CNOT7: variants seen among roughly 807,000 people sequenced by gnomAD.
The protein encoded by CNOT7 is BTG1-binding factor 1.
A neutral mutation model predicts 37.1 loss-of-function variants in CNOT7; 4 were observed. That is an observed-to-expected ratio of 0.11 (90% CI 0.05 to 0.25). The LOEUF is 0.25. Ranked by LOEUF, CNOT7 falls within the 10% of genes least tolerant of loss-of-function variation. The probability of loss-of-function intolerance (pLI) is 1.00; values close to 1 mark genes in which losing one functional copy is unlikely to be tolerated. For missense variants in CNOT7, 170 were observed against 336.2 expected (o/e 0.51, Z 3.87); for synonymous variants, 128 against 115.6 (o/e 1.11, Z -0.69).
chr8:17,237,493 C>A, intron 3 of CNOT7, 120 bp from the exon 4 acceptor site: 1 of 806,256 alleles, frequency 1.2e-6, no homozygotes. Flanking sequence ...TTGAGTCCAC[C>A]TGTTTCAATG....
rs1808238624 is a variant in CNOT7 at position 17,227,487 on chromosome 8, C to T, written c.*3233G>A. 1 of 151,828 alleles carries T rather than the reference C, an allele frequency of 6.6e-6. No homozygotes were observed. The highest frequency in any genetic ancestry group is 2.1e-4 in the South Asian group (1 of 4,822). 9.4% of individuals were successfully genotyped at this position (151,828 alleles called of 1,614,324 possible). ...CTGATGTCTTAATTTTCTCTGGACA[C>T]ATGTCTTTGGGTTGGTTACTATCTT... On this transcript the variant is annotated 3_prime_UTR_variant, in exon 7 of 7. Transcript: ENST00000361272.
intron 3 of CNOT7, 64 bp downstream of exon 3, chr8:17,242,928 A>G: frequency 8.6e-7 from 1 of 1,159,516 alleles, no homozygotes; most frequent in South Asian, 1.6e-5. Context: ...CTTGAGGAAA[A>G]TCAATTCCTA....
rs1585842625 is a variant in CNOT7 at position 17,242,914 on chromosome 8, C to T, written c.311+78G>A. On this transcript the variant is annotated intron_variant, in intron 3 of 6. Transcript: ENST00000361272. Reference sequence around the variant, plus strand: ...ACACCAAATTCACCTAGCATGTCACCATACTTGAGGAAAATCAATTCCTAA... The same window carrying T: ...ACACCAAATTCACCTAGCATGTCACTATACTTGAGGAAAATCAATTCCTAA... 4.3e-6 allele frequency: 4 copies of T among 937,388 alleles called. No individual in the cohort carries two copies. In the South Asian group the frequency reaches 7.3e-5, roughly 17 times the overall value. The allele number at this position is 937,388 out of a possible 1,614,324, so 58.1% of individuals were successfully genotyped here.
intron 1 of CNOT7, among the ~76,000 whole-genome samples, chr8:17,245,520 TTATC>T (rs1368965129): frequency 1.6e-4 from 24 of 152,306 alleles, no homozygotes; most frequent in Non-Finnish European, 3.2e-4. Context: ...CACTAATTAT[TTATC>T]TGAGTTCAAC....
chr8:17,240,669 A>C (rs1355136381), intron 3 of CNOT7, among the ~76,000 whole-genome samples: 3 of 152,192 alleles, frequency 2.0e-5, no homozygotes, highest in South Asian at 4.1e-4. Context: ...AATAGTATCT[A>C]ATTTAAAAAC....
chr8:17,231,052 G>C (rs1808533626), intron 6 of CNOT7, among the ~76,000 whole-genome samples: 1 of 151,978 alleles, frequency 6.6e-6, no homozygotes, highest in African/African-American at 2.4e-5. Flanking sequence ...ACCAAAGAAA[G>C]AGACTACAAA....
chr8:17,241,902 C>G (rs1226415986), intron 3 of CNOT7: 1 of 152,116 alleles, frequency 6.6e-6, no homozygotes, highest in African/African-American at 2.4e-5. Flanking sequence ...AATTTAAGAA[C>G]AATTAATAAA....
chr8:17,237,447 A>AT (rs1267917482), intron 3 of CNOT7, 74 bp from the exon 4 acceptor site: 3 of 1,385,860 alleles, frequency 2.2e-6, no homozygotes, highest in South Asian at 1.2e-5. Flanking sequence ...GCTTACATCT[A>AT]TAACTACAGT....
intron 4 of CNOT7, among the ~76,000 whole-genome samples, chr8:17,235,566 CTCT>C (rs1179504841): frequency 1.3e-5 from 2 of 152,094 alleles, no homozygotes; most frequent in Non-Finnish European, 2.9e-5. Flanking sequence ...AAATCCAGAA[CTCT>C]TCTCCCTTTG....
At chr8:17,234,156 C>T (rs1441263399) in intron 5 of CNOT7, among the ~76,000 whole-genome samples, 2 of 152,354 alleles carry the variant, frequency 1.3e-5, no homozygotes, top group East Asian at 1.9e-4. Flanking sequence ...TCCCATAGTA[C>T]TTAACTGTAA....
rs1317450455 is a variant in CNOT7 at position 17,235,093 on chromosome 8, G to A, written c.474-233C>T. Among the ~76,000 whole-genome samples the A allele has an allele frequency of 2.6e-5, 4 of 152,094 alleles. No homozygotes were observed. The East Asian group carries it at 7.7e-4, about 29-fold the overall frequency. On this transcript the variant is annotated intron_variant, in intron 4 of 6. Coordinates refer to ENST00000361272, the MANE Select transcript of CNOT7 (RefSeq NM_013354.7). ...TTTATTATTCAGAGATATCAACACAGACCTACACTACCAAACCAGCCTATG... is the reference window on the plus strand; with the variant it reads ...TTTATTATTCAGAGATATCAACACAAACCTACACTACCAAACCAGCCTATG...
rs1808251569 is a variant in CNOT7, at chr8:17,227,678, A to G, written c.*3042T>C. 6.6e-6 allele frequency: 1 copy of G among 151,862 alleles called. No individual in the cohort carries two copies. The highest frequency in any genetic ancestry group is 6.6e-5 in the Admixed American group (1 of 15,222). The allele number at this position is 151,862 out of a possible 1,614,324, so 9.4% of individuals were successfully genotyped here. On this transcript the variant is annotated 3_prime_UTR_variant, in exon 7 of 7. Coordinates refer to ENST00000361272, the MANE Select transcript of CNOT7 (RefSeq NM_013354.7). ...TTCTTCTGACTGTTGCTTTCCCACCAGTTGGGAATATTGTGATGTTAGTCT... is the reference window on the plus strand; with the variant it reads ...TTCTTCTGACTGTTGCTTTCCCACCGGTTGGGAATATTGTGATGTTAGTCT...
chr8:17,245,433 A>T (rs1048150941), intron 1 of CNOT7, among the ~76,000 whole-genome samples, 186 bp from the exon 2 acceptor site: 3 of 152,212 alleles, frequency 2.0e-5, no homozygotes, highest in African/African-American at 7.2e-5. Context: ...ACTACAGTAC[A>T]GATTTCCTGG....
intron 4 of CNOT7, among the ~76,000 whole-genome samples, chr8:17,236,878 A>T (rs998423045): frequency 6.6e-6 from 1 of 152,228 alleles, no homozygotes; most frequent in Non-Finnish European, 1.5e-5. Context: ...CCCGTAGAAC[A>T]TTAAAAACTA....
rs1382346168 is a variant in CNOT7 at position 17,227,465 on chromosome 8, A to ATGTC, written c.*3251_*3254dup. On this transcript the variant is annotated 3_prime_UTR_variant, in exon 7 of 7. Coordinates refer to ENST00000361272, the MANE Select transcript of CNOT7 (RefSeq NM_013354.7). ...AACTACTGTTCTCATCAAAGGGCTGATGTCTTAATTTTCTCTGGACACATG... is the reference window on the plus strand; with the variant it reads ...AACTACTGTTCTCATCAAAGGGCTGATGTCTGTCTTAATTTTCTCTGGACACATG... 9 of 151,850 alleles carry ATGTC rather than the reference A, an allele frequency of 5.9e-5. No homozygotes were observed. Among genetic ancestry groups the ATGTC allele is most frequent in the African/African-American group, 1.9e-4 (8 of 41,422 alleles). 9.4% of individuals were successfully genotyped at this position (151,850 alleles called of 1,614,324 possible). A position where few individuals can be genotyped will look rare whatever the true frequency, so the allele number is the denominator to read the frequency against.
Position 17,226,321 on chromosome 8 carries a change from T to C in CNOT7, c.*4399A>G, listed in dbSNP as rs974988173. ...CCTCATTGGAATAAATAGAAAATGT[T>C]AATCTGTTAATGCTGATGTGTAATG... is the stretch of plus-strand genomic sequence containing the variant. On this transcript the variant is annotated 3_prime_UTR_variant, in exon 7 of 7. Transcript: ENST00000361272. 1.2e-4 allele frequency: 18 copies of C among 151,474 alleles called. No individual in the cohort carries two copies. The highest frequency in any genetic ancestry group is 3.9e-4 in the African/African-American group (16 of 41,340). The allele number at this position is 151,474 out of a possible 1,614,324, so 9.4% of individuals were successfully genotyped here. A position where few individuals can be genotyped will look rare whatever the true frequency, so the allele number is the denominator to read the frequency against.
At chr8:17,237,878 T>C (rs1809594432) in intron 3 of CNOT7, among the ~76,000 whole-genome samples, 1 of 152,270 alleles carries the variant, frequency 6.6e-6, no homozygotes, top group South Asian at 2.1e-4. Flanking sequence ...ACACTTCATC[T>C]TAAAGAAGGA....
At chr8:17,232,244 C>A in intron 6 of CNOT7, 183 bp downstream of exon 6, 4 of 1,438,130 alleles carry the variant, frequency 2.8e-6, no homozygotes, top group South Asian at 3.0e-5. Flanking sequence ...CCAGTTCCTT[C>A]TGAACTACAT....
In CNOT7 at chr8:17,232,670, G is replaced by A. The variant is rs1585782629; in HGVS notation, c.619-133C>T. 2.1e-5 allele frequency: 15 copies of A among 701,670 alleles called. No individual in the cohort carries two copies. In the East Asian group the frequency reaches 2.4e-4, roughly 11 times the overall value. The allele number at this position is 701,670 out of a possible 1,614,324, so 43.5% of individuals were successfully genotyped here. On this transcript the variant is annotated intron_variant, in intron 5 of 6. Coordinates refer to ENST00000361272, the MANE Select transcript of CNOT7 (RefSeq NM_013354.7). Reference sequence around the variant, plus strand: ...AAAGGTGAATCTTATAAAGATTGGGGGGAAGAAACAGAGAATGTGAATTAC... The same window carrying A: ...AAAGGTGAATCTTATAAAGATTGGGAGGAAGAAACAGAGAATGTGAATTAC...
Sources: allele counts gnomAD v4.1 joint callset (sites outside exome capture counted in the v4.1 genomes callset), GRCh38; gene constraint gnomAD v4.1.1; transcripts MANE v1.5; gene names NCBI Gene and HGNC (gene_info 2026-07-23, HGNC 2026-07-21).